Variants in PHKA1 observed in about 807,000 individuals in gnomAD.
The protein encoded by PHKA1 is phosphorylase b kinase regulatory subunit alpha, skeletal muscle isoform.
In PHKA1, 60 loss-of-function variants were observed where a neutral mutation model predicts 110.2. The ratio of observed to expected loss-of-function variants is 0.54; its 90% confidence interval spans 0.44 to 0.68. The LOEUF (loss-of-function observed/expected upper bound fraction) is 0.68. Among genes scored for constraint, PHKA1 ranks in the 30% least tolerant of loss-of-function variants. PHKA1 has a pLI of 0.00. For missense variants in PHKA1, 801 were observed against 942.5 expected (o/e 0.85, Z 1.97); for synonymous variants, 316 against 333.6 (o/e 0.95, Z 0.58).
In PHKA1 at chrX:72,695,766, G is replaced by T. The variant is rs782344089; in HGVS notation, c.396C>A (p.His132Gln). The T allele has an allele frequency of 8.3e-6, 10 of 1,205,800 alleles. No homozygotes were observed. The South Asian group carries it at 1.2e-4, about 15-fold the overall frequency. Residue 132 changes from histidine to glutamine, a missense_variant, in exon 4 of 32, where the codon CAC becomes CAA. By Grantham distance (24) the His-to-Gln change is conservative. Transcript: ENST00000373542. ...ACACAGAGGTAGCATCCAACTGCAG[G>T]TGTCCCCATTGATCATCACCCACTA... ...ATVVGDDQWG[H>Q]LQLDATSVYL...
intron 6 of PHKA1, among the ~76,000 whole-genome samples, chrX:72,674,170 T>C (rs1267635787): frequency 1.8e-5 from 2 of 110,675 alleles, no homozygotes; most frequent in Admixed American, 9.6e-5. Flanking sequence ...TATTCCATGG[T>C]GTATATGTGC....
chrX:72,591,795 T>C (rs1317228546), intron 29 of PHKA1, among the ~76,000 whole-genome samples: 2 of 112,438 alleles, frequency 1.8e-5, no homozygotes, highest in Middle Eastern at 4.6e-3. Context: ...ATGTTGTATA[T>C]GAGAGATATT....
chrX:72,677,296 T>C (rs2053790042), intron 5 of PHKA1, among the ~76,000 whole-genome samples: 3 of 112,496 alleles, frequency 2.7e-5, no homozygotes, highest in Non-Finnish European at 5.6e-5. Context: ...TTACTGGTGA[T>C]ATTAACCCTC....
rs148540646 is a variant in PHKA1 at position 72,712,817 on chromosome X, G to A, written c.199C>T (p.Arg67Trp). 3.2e-5 allele frequency: 39 copies of A among 1,207,229 alleles called. No individual in the cohort carries two copies. The highest frequency in any genetic ancestry group is 8.9e-5 in the East Asian group (3 of 33,732). Residue 67 changes from arginine to tryptophan, a missense_variant, in exon 2 of 32, where the codon CGG (arginine) becomes TGG (tryptophan). This residue lies in a region of PHKA1 where 299 missense variants were observed against 423.3 expected (regional missense o/e 0.71). Coordinates refer to ENST00000373542, the MANE Select transcript of PHKA1 (RefSeq NM_002637.4). ...LGLAYRKNAD[R>W]DEDKAKAYEL... ...TAGGCCTTTGCCTTATCCTCATCCCGGTCTGCATTCTTCCGATAGGCCAGG... is the reference window on the plus strand; with the variant it reads ...TAGGCCTTTGCCTTATCCTCATCCCAGTCTGCATTCTTCCGATAGGCCAGG...
intron 4 of PHKA1, among the ~76,000 whole-genome samples, chrX:72,687,849 CAG>C (rs1423625887): frequency 2.0e-5 from 2 of 102,321 alleles, no homozygotes; most frequent in Middle Eastern, 5.1e-3. Context: ...TTTTTTGAGA[CAG>C]AGTCTCGCTC....
intron 28 of PHKA1, among the ~76,000 whole-genome samples, chrX:72,595,375 G>A (rs782163475): frequency 9.0e-6 from 1 of 110,683 alleles, no homozygotes; most frequent in Admixed American, 9.6e-5. Flanking sequence ...GCTTCCCCCC[G>A]AAGATCAGAA....
chrX:72,651,679 T>C (rs782560216), intron 12 of PHKA1, among the ~76,000 whole-genome samples: 1 of 112,230 alleles, frequency 8.9e-6, no homozygotes, highest in East Asian at 2.8e-4. Flanking sequence ...AACAAACCAT[T>C]CTGCCCACTT....
chrX:72,590,155 C>G (rs868907569), intron 29 of PHKA1, among the ~76,000 whole-genome samples: 2 of 111,686 alleles, frequency 1.8e-5, no homozygotes, highest in Non-Finnish European at 3.8e-5. Context: ...GGAGGCATCA[C>G]GCTACCTGAC....
chrX:72,615,868 T>C (rs782629269), intron 21 of PHKA1, among the ~76,000 whole-genome samples: 10 of 111,195 alleles, frequency 9.0e-5, no homozygotes, highest in Non-Finnish European at 1.7e-4. Flanking sequence ...AATAATTACC[T>C]TTAATGTGAG....
At chrX:72,681,785 C>T (rs1255594172) in intron 5 of PHKA1, among the ~76,000 whole-genome samples, 8 of 50,350 alleles carry the variant, frequency 1.6e-4, no homozygotes, top group Non-Finnish European at 2.4e-4. Flanking sequence ...TCTGCCCAGC[C>T]GCCCCTACTG....
chrX:72,687,424 C>A (rs1603272097), intron 4 of PHKA1, among the ~76,000 whole-genome samples: 1 of 111,997 alleles, frequency 8.9e-6, no homozygotes, highest in African/African-American at 3.2e-5. Flanking sequence ...AAGTATGAAA[C>A]TGGCCTTATT....
In PHKA1 at chrX:72,684,546, A is replaced by C. The variant is rs1363774799; in HGVS notation, c.489T>G (p.Asn163Lys). Reference sequence around the variant, plus strand: ...TGTAAAACACAAGGTTCTGTATGAAATTGACTTCATCTAGGCTGTGGATGA... The same window carrying C: ...TGTAAAACACAAGGTTCTGTATGAACTTGACTTCATCTAGGCTGTGGATGA... Reference protein sequence around the residue: ...LHIIHSLDEVNFIQNLVFYIE... With the variant: ...LHIIHSLDEVKFIQNLVFYIE... The change falls in exon 5 of 32, where the codon AAT becomes AAG. Residue 163 changes from asparagine to lysine, a missense_variant. Asn to Lys is a moderately conservative substitution (Grantham distance 94). Around this residue, in one of 2 missense-constraint regions of PHKA1, gnomAD observed 299 missense variants for 423.3 expected, o/e 0.71. Transcript: ENST00000373542. 1 of 1,181,511 alleles carries C rather than the reference A, an allele frequency of 8.5e-7. No individual in the cohort carries two copies. The highest frequency in any genetic ancestry group is 1.2e-6 in the Non-Finnish European group (1 of 868,196).
At chrX:72,703,993 CA>C (rs1158236789) in intron 3 of PHKA1, among the ~76,000 whole-genome samples, 1 of 111,817 alleles carries the variant, frequency 8.9e-6, no homozygotes, top group Non-Finnish European at 1.9e-5. Context: ...AAACAAGCCT[CA>C]AAAATAAATG....
intron 10 of PHKA1, among the ~76,000 whole-genome samples, chrX:72,655,702 A>C (rs1204025863): frequency 1.8e-5 from 2 of 109,695 alleles, no homozygotes; most frequent in African/African-American, 6.6e-5. Context: ...GGCTCACTGC[A>C]GGCTCCGCCT....
intron 5 of PHKA1, among the ~76,000 whole-genome samples, chrX:72,682,350 C>G (rs1556316402): frequency 9.1e-6 from 1 of 109,670 alleles, no homozygotes; most frequent in Admixed American, 9.4e-5. Flanking sequence ...GGGGGTCAGC[C>G]CCCTGCCCGG....
chrX:72,603,165 G>A lies in PHKA1; in HGVS notation c.2871C>T (p.Leu957=). The change falls in exon 26 of 32, where the codon CTC becomes CTT. Residue 957 remains leucine (L), a synonymous_variant. Transcript: ENST00000373542. ...MNLSPSAMKN[L]LHHILSGKEF... is the part of the protein sequence containing the mutation. Reference sequence around the variant, plus strand: ...CCTTGCCGCTGAGAATGTGATGCAGGAGATTCTTCATGGCCGAAGGACTGA... The same window carrying A: ...CCTTGCCGCTGAGAATGTGATGCAGAAGATTCTTCATGGCCGAAGGACTGA... 2 of 1,208,577 alleles carry A rather than the reference G, an allele frequency of 1.7e-6. No individual in the cohort carries two copies. The highest frequency in any genetic ancestry group is 3.5e-5 in the South Asian group (2 of 56,817).
intron 17 of PHKA1, 67 bp from the exon 18 acceptor site, chrX:72,623,342 G>A: frequency 1.2e-6 from 1 of 863,285 alleles, no homozygotes; most frequent in Non-Finnish European, 1.7e-6. Flanking sequence ...CACAATCTTA[G>A]TGATAAAAGG....
intron 29 of PHKA1, among the ~76,000 whole-genome samples, chrX:72,585,469 A>G (rs1157956216): frequency 8.9e-6 from 1 of 112,240 alleles, no homozygotes; most frequent in East Asian, 2.8e-4. Flanking sequence ...ATGGCCAAAT[A>G]GGAACAGCTC....
rs2053548569 is a variant in PHKA1, at chrX:72,660,638, C to T, written c.865-2997G>A. ...TACAAAAGAAGTTGCAAAGAATACTCATTGCAGCAGCCTTCCTCATTATGA... is the reference window on the plus strand; with the variant it reads ...TACAAAAGAAGTTGCAAAGAATACTTATTGCAGCAGCCTTCCTCATTATGA... On this transcript the variant is annotated intron_variant, in intron 8 of 31. Transcript: ENST00000373542. 5 of 354,173 alleles carry T rather than the reference C, an allele frequency of 1.4e-5. No homozygotes were observed. In the Middle Eastern group the frequency reaches 2.8e-3, roughly 198 times the overall value. 29.2% of individuals were successfully genotyped at this position (354,173 alleles called of 1,213,427 possible).
Sources: allele counts gnomAD v4.1 joint callset (sites outside exome capture counted in the v4.1 genomes callset), GRCh38; gene constraint gnomAD v4.1.1; regional missense constraint gnomAD v4.1.1; transcripts MANE v1.5; gene names NCBI Gene and HGNC (gene_info 2026-07-23, HGNC 2026-07-21).